SCGB1D2: variants seen among roughly 807,000 people sequenced by gnomAD.
The protein encoded by SCGB1D2 is secretoglobin family 1D member 2.
Under a neutral mutation model 10.5 loss-of-function variants are expected in SCGB1D2, and 10 were observed. That is an observed-to-expected ratio of 0.95 (90% CI 0.59 to 1.61). SCGB1D2 has a LOEUF of 1.61. Ranked by LOEUF, SCGB1D2 falls within the 40% of genes most tolerant of loss-of-function variation. The pLI is 0.00. For missense variants in SCGB1D2, 113 were observed against 103.8 expected (o/e 1.09, Z -0.38); for synonymous variants, 42 against 42.8 (o/e 0.98, Z 0.08).
At chr11:62,244,194 C>T (rs185900871) in intron 2 of SCGB1D2, among the ~76,000 whole-genome samples, 2 of 152,328 alleles carry the variant, frequency 1.3e-5, no homozygotes, top group Admixed American at 1.3e-4. Context: ...GCTGCAAATG[C>T]TCATGGAAGC....
chr11:62,242,422 G>A lies in SCGB1D2; in HGVS notation c.55+60G>A, dbSNP rs565617857. ...CTGGGAAGCACCCTCTTCCAAGCAC[G>A]AGGTCACCTATTCAGGCTGGGGTTA... On this transcript the variant is annotated intron_variant, in intron 1 of 2. Coordinates refer to ENST00000244926, the MANE Select transcript of SCGB1D2 (RefSeq NM_006551.4). 3.5e-5 allele frequency: 54 copies of A among 1,560,128 alleles called. No homozygotes were observed. In the African/African-American group the frequency reaches 5.3e-4, roughly 15 times the overall value.
At chr11:62,243,538 C>T (rs1945082387) in intron 2 of SCGB1D2, 62 bp downstream of exon 2, 2 of 1,399,484 alleles carry the variant, frequency 1.4e-6, no homozygotes, top group Admixed American at 1.9e-5. Flanking sequence ...GAAGTGAGGT[C>T]AGCTTGCTGC....
chr11:62,242,707 C>T (rs1945073386), intron 1 of SCGB1D2, among the ~76,000 whole-genome samples: 2 of 152,172 alleles, frequency 1.3e-5, no homozygotes, highest in Non-Finnish European at 2.9e-5. Context: ...GCTCACCCTC[C>T]CTGAGCCTCC....
intron 1 of SCGB1D2, among the ~76,000 whole-genome samples, 166 bp downstream of exon 1, chr11:62,242,528 C>T (rs1945071578): frequency 1.3e-5 from 2 of 152,220 alleles, no homozygotes; most frequent in African/African-American, 4.8e-5. Context: ...GCTATTTCTT[C>T]TACTCCCCAG....
chr11:62,244,240 G>A (rs1385976320), intron 2 of SCGB1D2, among the ~76,000 whole-genome samples: 1 of 152,168 alleles, frequency 6.6e-6, no homozygotes, highest in African/African-American at 2.4e-5. Context: ...CGGGCCCTGA[G>A]GCAGAATTCC....
Position 62,243,373 on chromosome 11 carries a change from C to A in SCGB1D2, c.140C>A (p.Ala47Asp). The change falls in exon 2 of 3, where the codon GCC becomes GAC. Residue 47 changes from alanine to aspartate, a missense_variant. By Grantham distance (126) the Ala-to-Asp change is moderately radical (BLOSUM62 -2). Transcript: ENST00000244926. ...GAACCTCTGTTCAAGTTAAGTCTTG[C>A]CAAATTTGATGCCCCTCCGGAAGCT... ...ISEPLFKLSL[A>D]KFDAPPEAVA... 2 of 1,613,958 alleles carry A rather than the reference C, an allele frequency of 1.2e-6. No homozygotes were observed. Among genetic ancestry groups the A allele is most frequent in the Non-Finnish European group, 1.7e-6 (2 of 1,179,858 alleles).
Position 62,243,431 on chromosome 11 carries a change from G to A in SCGB1D2, c.198G>A (p.Thr66=), listed in dbSNP as rs761451675. 16 of 1,613,544 alleles carry A rather than the reference G, an allele frequency of 9.9e-6. No homozygotes were observed. Among genetic ancestry groups the A allele is most frequent in the African/African-American group, 4.0e-5 (3 of 74,910 alleles). The change falls in exon 2 of 3, where the codon ACG becomes ACA. Residue 66 remains threonine (T), a synonymous_variant. Transcript: ENST00000244926. ...VAAKLGVKRC[T]DQMSLQKRSL... is the part of the protein sequence containing the mutation. ...CCAAGTTAGGAGTGAAGAGATGCAC[G>A]GATCAGATGTCCCTTCAGAAACGAA...
Position 62,242,316 on chromosome 11 carries a change from G to T in SCGB1D2, c.9G>T (p.Leu3=). The T allele has an allele frequency of 6.2e-7, 1 of 1,614,116 alleles. No homozygotes were observed. The highest frequency in any genetic ancestry group is 1.7e-5 in the Admixed American group (1 of 60,020). The part of the protein sequence containing the change: MK[L]SVCLLLVTLA... The stretch of plus-strand genomic sequence containing the variant: ...CAGCAAAACAAGCCACCATGAAGCT[G>T]TCGGTGTGTCTCCTGCTGGTCACGC... Residue 3 remains leucine, a synonymous_variant, in exon 1 of 3, where the codon CTG becomes CTT. Transcript: ENST00000244926.
At position 62,244,725 on chromosome 11, in the gene SCGB1D2, C is replaced by T; in HGVS notation, c.*26C>T. ...CATGTAAAAACTTTCATCCTGGTTTCCACTGTCTTTCAATGACACCCTGAT... is the reference window on the plus strand; with the variant it reads ...CATGTAAAAACTTTCATCCTGGTTTTCACTGTCTTTCAATGACACCCTGAT... On this transcript the variant is annotated 3_prime_UTR_variant, in exon 3 of 3. Coordinates refer to ENST00000244926, the MANE Select transcript of SCGB1D2 (RefSeq NM_006551.4). 6.3e-7 allele frequency: 1 copy of T among 1,598,724 alleles called. No individual in the cohort carries two copies. The highest frequency in any genetic ancestry group is 1.7e-5 in the Admixed American group (1 of 59,852).
At position 62,243,288 on chromosome 11, in the gene SCGB1D2, G is replaced by T; in HGVS notation, c.56-1G>T. The T allele has an allele frequency of 1.2e-6, 2 of 1,608,942 alleles. No individual in the cohort carries two copies. The highest frequency in any genetic ancestry group is 1.7e-6 in the Non-Finnish European group (2 of 1,177,100). On this transcript the variant is annotated splice_acceptor_variant, in intron 1 of 2. Transcript: ENST00000244926. LOFTEE classifies it high-confidence loss of function. The stretch of plus-strand genomic sequence containing the variant: ...ACTATATTTTTATTCTTTTGCTGCA[G>T]CCAATGCCGAGTTCTGCCCAGCTCT...
intron 2 of SCGB1D2, among the ~76,000 whole-genome samples, chr11:62,244,377 G>A (rs1945091520): frequency 6.6e-6 from 1 of 152,146 alleles, no homozygotes; most frequent in Non-Finnish European, 1.5e-5. Context: ...GACAGCCCAG[G>A]CAATAACCTC....
chr11:62,242,786 G>A (rs1590664361), intron 1 of SCGB1D2, among the ~76,000 whole-genome samples: 1 of 152,322 alleles, frequency 6.6e-6, no homozygotes, highest in East Asian at 1.9e-4. Context: ...GATTAATACT[G>A]TCAAAAGAGT....
chr11:62,242,840 C>A (rs1945074809), intron 1 of SCGB1D2, among the ~76,000 whole-genome samples: 1 of 152,234 alleles, frequency 6.6e-6, no homozygotes. Context: ...GTAATCCTAG[C>A]ACTTTGGAAG....
At chr11:62,243,258 C>A in intron 1 of SCGB1D2, 31 bp from the exon 2 acceptor site, 1 of 1,590,866 alleles carries the variant, frequency 6.3e-7, no homozygotes, top group Non-Finnish European at 8.6e-7. Flanking sequence ...ACTTTCCTAA[C>A]ATCAACTATA....
chr11:62,243,467 G>C lies in SCGB1D2; in HGVS notation c.234G>C (p.Ala78=). ...QMSLQKRSLI[A]EVLVKILKKC... Reference sequence around the variant, plus strand: ...CCCTTCAGAAACGAAGCCTCATTGCGGAAGTCCTGGTAACTTCTTTCTCCT... The same window carrying C: ...CCCTTCAGAAACGAAGCCTCATTGCCGAAGTCCTGGTAACTTCTTTCTCCT... The change falls in exon 2 of 3, where the codon GCG becomes GCC. Residue 78 remains alanine (A), a synonymous_variant. Coordinates refer to ENST00000244926, the MANE Select transcript of SCGB1D2 (RefSeq NM_006551.4). 1 of 1,612,404 alleles carries C rather than the reference G, an allele frequency of 6.2e-7. No individual in the cohort carries two copies. Among genetic ancestry groups the C allele is most frequent in the South Asian group, 1.1e-5 (1 of 90,742 alleles).
At chr11:62,242,913 C>T (rs1945075679) in intron 1 of SCGB1D2, among the ~76,000 whole-genome samples, 1 of 152,172 alleles carries the variant, frequency 6.6e-6, no homozygotes, top group Non-Finnish European at 1.5e-5. Context: ...CGTGGCGAAA[C>T]TCCAGCTTTA....
At chr11:62,242,946 G>A (rs1017589024) in intron 1 of SCGB1D2, among the ~76,000 whole-genome samples, 1 of 152,302 alleles carries the variant, frequency 6.6e-6, no homozygotes, top group East Asian at 1.9e-4. Context: ...TGAAAAATCA[G>A]CTGGACGTGG....
intron 2 of SCGB1D2, among the ~76,000 whole-genome samples, chr11:62,244,020 C>T (rs967923188): frequency 7.9e-5 from 12 of 152,062 alleles, no homozygotes; most frequent in Non-Finnish European, 1.8e-4. Context: ...CCCTCCACAC[C>T]CACGACACTC....
rs187212150 is a variant in SCGB1D2 at position 62,243,214 on chromosome 11, T to A, written c.56-75T>A. On this transcript the variant is annotated intron_variant, in intron 1 of 2. Coordinates refer to ENST00000244926, the MANE Select transcript of SCGB1D2 (RefSeq NM_006551.4). ...AACATATAACCCAGGGGATCCTGTC[T>A]GGTCTAACGTCAGGGAGCCAAAGAG... 133 of 1,174,138 alleles carry A rather than the reference T, an allele frequency of 1.1e-4. 1 individual carries two copies. In the Admixed American group the frequency reaches 2.5e-3, roughly 22 times the overall value. 72.7% of individuals were successfully genotyped at this position (1,174,138 alleles called of 1,614,324 possible). A position where few individuals can be genotyped will look rare whatever the true frequency, so the allele number is the denominator to read the frequency against.
Sources: allele counts gnomAD v4.1 joint callset (sites outside exome capture counted in the v4.1 genomes callset), GRCh38; gene constraint gnomAD v4.1.1; transcripts MANE v1.5; gene names NCBI Gene and HGNC (gene_info 2026-07-23, HGNC 2026-07-21).